Variants in BMERB1 observed in about 807,000 individuals in gnomAD.
The protein encoded by BMERB1 is bMERB domain-containing protein 1.
BMERB1 carries 12 observed loss-of-function variants against 23.6 expected under a neutral mutation model. The observed-to-expected ratio is 0.51, with a 90% confidence interval of 0.33 to 0.82. The LOEUF is 0.82. BMERB1 is among the 40% of genes least tolerant of loss of function. The pLI is 0.03. For missense variants in BMERB1, 247 were observed against 255.4 expected, an observed-to-expected ratio of 0.97 and a Z score of 0.22; for synonymous variants, 122 against 96.6, an observed-to-expected ratio of 1.26 and a Z score of -1.54.
At chr16:15,578,226 CTT>C (rs72419431) in intron 3 of BMERB1, among the ~76,000 whole-genome samples, 6 of 120,978 alleles carry the variant, frequency 5.0e-5, no homozygotes, top group African/African-American at 1.1e-4. Context: ...CTCTTCTCCT[CTT>C]TTTTTTTTTT....
At chr16:15,566,345 C>T (rs757160092) in intron 2 of BMERB1, among the ~76,000 whole-genome samples, 3 of 152,134 alleles carry the variant, frequency 2.0e-5, no homozygotes, top group African/African-American at 7.2e-5. Flanking sequence ...ATGATCTCTC[C>T]GGAGGGCAAT....
chr16:15,482,340 C>T (rs1243924680), intron 1 of BMERB1, among the ~76,000 whole-genome samples: 1 of 152,114 alleles, frequency 6.6e-6, no homozygotes, highest in African/African-American at 2.4e-5. Flanking sequence ...GGTCAGTGTC[C>T]TAAACAGGAA....
chr16:15,452,835 G>A (rs1007891604), intron 1 of BMERB1, among the ~76,000 whole-genome samples: 2 of 152,148 alleles, frequency 1.3e-5, no homozygotes, highest in Non-Finnish European at 2.9e-5. Context: ...AGGAAGGAGG[G>A]CATCTTGAAT....
chr16:15,542,193 A>G (rs1017024204), intron 2 of BMERB1, among the ~76,000 whole-genome samples: 5 of 151,284 alleles, frequency 3.3e-5, no homozygotes, highest in African/African-American at 4.9e-5. Context: ...CCTCCCAAGT[A>G]GCTTGGACTA....
At chr16:15,528,772 T>C (rs1048964955) in intron 2 of BMERB1, among the ~76,000 whole-genome samples, 2 of 152,052 alleles carry the variant, frequency 1.3e-5, no homozygotes, top group Admixed American at 6.6e-5. Flanking sequence ...TGTCGACATC[T>C]AATTCCCAAT....
chr16:15,448,615 G>A (rs1350799836), intron 1 of BMERB1, among the ~76,000 whole-genome samples: 2 of 152,106 alleles, frequency 1.3e-5, no homozygotes, highest in Non-Finnish European at 2.9e-5. Flanking sequence ...GAAACGTGGC[G>A]AAATCCCATC....
At chr16:15,483,261 C>T (rs1057385720) in intron 1 of BMERB1, among the ~76,000 whole-genome samples, 6 of 152,146 alleles carry the variant, frequency 3.9e-5, no homozygotes, top group Non-Finnish European at 7.3e-5. Context: ...TCCGATTATT[C>T]CTCTAGGAAG....
Position 15,532,544 on chromosome 16 carries a change from C to CTTTTT in BMERB1, c.230+17131_230+17135dup, listed in dbSNP as rs58964968. Among the ~76,000 whole-genome samples the CTTTTT allele has an allele frequency of 3.3e-4, 30 of 91,830 alleles. 1 individual carries two copies. The highest frequency in any genetic ancestry group is 5.3e-4 in the African/African-American group (11 of 20,770). 60.2% of individuals were successfully genotyped at this position (91,830 alleles called of 152,430 possible). A position where few individuals can be genotyped will look rare whatever the true frequency, so the allele number is the denominator to read the frequency against. On this transcript the variant is annotated intron_variant, in intron 2 of 5. Transcript: ENST00000300006. ...TGCCCGGCCTTTTTTTTTTCTTTTTCTTTTTTTTTTTTTTTTTTTGAGACG... is the reference window on the plus strand; with the variant it reads ...TGCCCGGCCTTTTTTTTTTCTTTTTCTTTTTTTTTTTTTTTTTTTTTTTTGAGACG...
intron 4 of BMERB1, among the ~76,000 whole-genome samples, chr16:15,582,789 GCT>G (rs1245364313): frequency 6.6e-6 from 1 of 152,146 alleles, no homozygotes; most frequent in Non-Finnish European, 1.5e-5. Context: ...GGGGTGACTC[GCT>G]CTCTGAGACC....
intron 2 of BMERB1, among the ~76,000 whole-genome samples, chr16:15,550,592 C>T (rs1046303372): frequency 1.3e-5 from 2 of 151,946 alleles, no homozygotes; most frequent in South Asian, 2.1e-4. Flanking sequence ...CCTGCCTCAG[C>T]CTCCCAAAGT....
intron 1 of BMERB1, among the ~76,000 whole-genome samples, chr16:15,509,817 A>G (rs1279219727): frequency 6.6e-6 from 1 of 152,196 alleles, no homozygotes; most frequent in Non-Finnish European, 1.5e-5. Context: ...GTTCATGTGC[A>G]TCTTAAAACA....
chr16:15,506,336 C>T lies in BMERB1; in HGVS notation c.107-8969C>T, dbSNP rs567942395. Among the ~76,000 whole-genome samples the T allele has an allele frequency of 1.4e-3, 215 of 152,004 alleles. 1 individual carries two copies. Among genetic ancestry groups the T allele is most frequent in the East Asian group, 5.4e-3 (28 of 5,160 alleles). On this transcript the variant is annotated intron_variant, in intron 1 of 5. Coordinates refer to ENST00000300006, the MANE Select transcript of BMERB1 (RefSeq NM_033201.3). ...GACTACAGGTGCCCGCCACCACGCCCGGCTAATTTTTTGTATTTTTAGTAG... is the reference window on the plus strand; with the variant it reads ...GACTACAGGTGCCCGCCACCACGCCTGGCTAATTTTTTGTATTTTTAGTAG...
chr16:15,512,648 G>A (rs2051684407), intron 1 of BMERB1, among the ~76,000 whole-genome samples: 1 of 151,984 alleles, frequency 6.6e-6, no homozygotes, highest in African/African-American at 2.4e-5. Flanking sequence ...GGAGGCCAAG[G>A]CAGGCTGATC....
At chr16:15,553,357 C>T (rs900106962) in intron 2 of BMERB1, among the ~76,000 whole-genome samples, 5 of 152,156 alleles carry the variant, frequency 3.3e-5, no homozygotes, top group African/African-American at 1.2e-4. Flanking sequence ...CGCCTGTAGT[C>T]CCAACTACTT....
intron 2 of BMERB1, among the ~76,000 whole-genome samples, chr16:15,566,958 G>A (rs1899842002): frequency 6.6e-6 from 1 of 151,906 alleles, no homozygotes; most frequent in South Asian, 2.1e-4. Context: ...TGAGGTGGGA[G>A]GATTGCTTGA....
Position 15,480,774 on chromosome 16 carries a change from G to A in BMERB1, c.107-34531G>A, listed in dbSNP as rs149033716. Among the ~76,000 whole-genome samples, 1,225 of 151,652 alleles carry A rather than the reference G, an allele frequency of 8.1e-3. 21 individuals are homozygous for A. The highest frequency in any genetic ancestry group is 0.028 in the African/African-American group (1,166 of 41,364). On this transcript the variant is annotated intron_variant, in intron 1 of 5. Coordinates refer to ENST00000300006, the MANE Select transcript of BMERB1 (RefSeq NM_033201.3). ...GACTACAGGCATGCACCACCACACCGAGCTAATTTTTCTATTTTTGGTAGA... is the reference window on the plus strand; with the variant it reads ...GACTACAGGCATGCACCACCACACCAAGCTAATTTTTCTATTTTTGGTAGA...
chr16:15,475,042 G>A (rs180888228), intron 1 of BMERB1, among the ~76,000 whole-genome samples: 2 of 152,186 alleles, frequency 1.3e-5, no homozygotes, highest in East Asian at 3.9e-4. Flanking sequence ...TATGAGGGGT[G>A]GTTGGGATGT....
intron 1 of BMERB1, among the ~76,000 whole-genome samples, chr16:15,511,579 G>T (rs1309205433): frequency 6.6e-6 from 1 of 152,140 alleles, no homozygotes; most frequent in Non-Finnish European, 1.5e-5. Context: ...TATAAAAGAA[G>T]CACACATTGC....
intron 2 of BMERB1, among the ~76,000 whole-genome samples, chr16:15,547,546 A>G (rs1598511562): frequency 6.6e-6 from 1 of 151,742 alleles, no homozygotes; most frequent in East Asian, 1.9e-4. Flanking sequence ...GGGTTTCACC[A>G]TGTTGGCCAG....
Sources: allele counts gnomAD v4.1 joint callset (sites outside exome capture counted in the v4.1 genomes callset), GRCh38; gene constraint gnomAD v4.1.1; transcripts MANE v1.5; gene names NCBI Gene and HGNC (gene_info 2026-07-23, HGNC 2026-07-21).